The following FMN1 variants were observed in gnomAD, a reference collection of about 807,000 sequenced individuals.
FMN1 encodes the protein formin 1.
Under a neutral mutation model 132.4 loss-of-function variants are expected in FMN1, and 110 were observed. That is an observed-to-expected ratio of 0.83 (90% CI 0.71 to 0.97). The LOEUF is 0.97. FMN1 is among the 50% of genes least tolerant of loss of function. FMN1 has a pLI of 0.00. For missense variants in FMN1, 1,792 were observed against 1,705.3 expected (o/e 1.05, Z -0.90); for synonymous variants, 722 against 651.7 (o/e 1.11, Z -1.64).
intron 10 of FMN1, among the ~76,000 whole-genome samples, chr15:32,919,718 A>C (rs919309409): frequency 6.6e-6 from 1 of 152,092 alleles, no homozygotes. Context: ...TTGAGTAGAC[A>C]CTCTTCTAGG....
At chr15:32,821,611 C>T (rs1402708227) in intron 17 of FMN1, among the ~76,000 whole-genome samples, 1 of 151,918 alleles carries the variant, frequency 6.6e-6, no homozygotes, top group Non-Finnish European at 1.5e-5. Flanking sequence ...GCCACCATGC[C>T]CAGCTAATTT....
At chr15:33,171,751 T>C (rs1026641569) in intron 3 of FMN1, among the ~76,000 whole-genome samples, 1 of 152,198 alleles carries the variant, frequency 6.6e-6, no homozygotes, top group Non-Finnish European at 1.5e-5. Context: ...GCAGCTACAG[T>C]TAGTTCTTGC....
At chr15:32,892,501 A>C (rs1037888049) in intron 15 of FMN1, among the ~76,000 whole-genome samples, 2 of 152,160 alleles carry the variant, frequency 1.3e-5, no homozygotes, top group African/African-American at 2.4e-5. Context: ...TTCAACAAGG[A>C]TATCGGTCTG....
At chr15:32,842,419 A>G (rs773183861) in intron 17 of FMN1, among the ~76,000 whole-genome samples, 16 of 152,074 alleles carry the variant, frequency 1.1e-4, no homozygotes, top group Non-Finnish European at 1.9e-4. Flanking sequence ...AGTCTAATCA[A>G]CTCATTAAAC....
chr15:33,123,127 G>C (rs569807098), intron 4 of FMN1, among the ~76,000 whole-genome samples: 1 of 150,770 alleles, frequency 6.6e-6, no homozygotes, highest in Non-Finnish European at 1.5e-5. Context: ...ACGTCATATC[G>C]TCAAGCCTTG....
At chr15:33,091,878 A>T (rs923840584) in intron 4 of FMN1, among the ~76,000 whole-genome samples, 17 of 152,228 alleles carry the variant, frequency 1.1e-4, no homozygotes, top group African/African-American at 3.9e-4. Context: ...TAATTTTCCG[A>T]CACAAATAGA....
chr15:33,059,683 A>G lies in FMN1; in HGVS notation c.2161+5274T>C, dbSNP rs911691535. 7.9e-5 allele frequency among the ~76,000 whole-genome samples: 12 copies of G among 152,350 alleles called. No individual in the cohort carries two copies. In the East Asian group the frequency reaches 9.6e-4, roughly 12 times the overall value. ...CACATAATTTATCAACAGAGTATTA[A>G]TAAGTTATGTGTATCTTTCAGCAAT... On this transcript the variant is annotated intron_variant, in intron 6 of 20. Coordinates refer to ENST00000616417, the MANE Select transcript of FMN1 (RefSeq NM_001277313.2).
intron 3 of FMN1, among the ~76,000 whole-genome samples, chr15:33,165,620 T>C (rs1965075093): frequency 6.6e-6 from 1 of 152,168 alleles, no homozygotes; most frequent in South Asian, 2.1e-4. Context: ...CTCAATCTTC[T>C]TACCTGATGA....
At chr15:32,970,993 G>A (rs961460021) in intron 7 of FMN1, among the ~76,000 whole-genome samples, 1 of 152,124 alleles carries the variant, frequency 6.6e-6, no homozygotes, top group South Asian at 2.1e-4. Flanking sequence ...TCTATTTCTC[G>A]TGCAGTGCAG....
chr15:32,990,726 C>T (rs1262379690), intron 7 of FMN1, among the ~76,000 whole-genome samples: 3 of 152,170 alleles, frequency 2.0e-5, no homozygotes, highest in Non-Finnish European at 4.4e-5. Context: ...AACCGACTCA[C>T]AGTTACACAT....
chr15:32,897,989 G>GT lies in FMN1; in HGVS notation c.3714+844_3714+845insA, dbSNP rs919955570. 1.5e-4 allele frequency among the ~76,000 whole-genome samples: 23 copies of GT among 152,272 alleles called. 1 individual carries two copies. The highest frequency in any genetic ancestry group is 5.5e-4 in the African/African-American group (23 of 41,560). ...ATCAGGGAAAAGTTTGGGGGGCGGG[G>GT]AAACGATGAGCCTGGCTGTAGGTAT... On this transcript the variant is annotated intron_variant, in intron 15 of 20. Coordinates refer to ENST00000616417, the MANE Select transcript of FMN1 (RefSeq NM_001277313.2).
At chr15:33,096,649 G>C (rs552954050) in intron 4 of FMN1, among the ~76,000 whole-genome samples, 1 of 151,586 alleles carries the variant, frequency 6.6e-6, no homozygotes, top group African/African-American at 2.4e-5. Context: ...ATCTAGGCTG[G>C]AGTGCTGTGG....
chr15:33,017,229 T>C (rs2140992929), intron 6 of FMN1, among the ~76,000 whole-genome samples: 1 of 152,298 alleles, frequency 6.6e-6, no homozygotes, highest in African/African-American at 2.4e-5. Flanking sequence ...CTACTCTGTA[T>C]GCTACTATAA....
chr15:33,093,324 A>G (rs574699040), intron 4 of FMN1, among the ~76,000 whole-genome samples: 1 of 152,350 alleles, frequency 6.6e-6, no homozygotes, highest in South Asian at 2.1e-4. Flanking sequence ...CAGAACTGAT[A>G]TGTACAGGTA....
chr15:32,954,407 T>G (rs906413601), intron 9 of FMN1, among the ~76,000 whole-genome samples: 2 of 152,162 alleles, frequency 1.3e-5, no homozygotes, highest in Non-Finnish European at 2.9e-5. Flanking sequence ...AAAAATAAAA[T>G]GAAAGTTGGC....
chr15:32,889,523 CT>C (rs1220774234), intron 15 of FMN1, among the ~76,000 whole-genome samples: 2 of 152,154 alleles, frequency 1.3e-5, no homozygotes, highest in Non-Finnish European at 2.9e-5. Flanking sequence ...TACCTTCCCC[CT>C]ATCTCCAACT....
chr15:33,167,470 T>C (rs966969945), intron 3 of FMN1, among the ~76,000 whole-genome samples: 5 of 152,222 alleles, frequency 3.3e-5, no homozygotes, highest in African/African-American at 1.2e-4. Context: ...AACAGACTAA[T>C]ACAGCCAACA....
chr15:33,141,154 A>C (rs1963994407), intron 4 of FMN1, among the ~76,000 whole-genome samples: 1 of 152,100 alleles, frequency 6.6e-6, no homozygotes, highest in Non-Finnish European at 1.5e-5. Context: ...CTTTTCCTTT[A>C]ATTTTAATTT....
chr15:32,783,742 T>A (rs4780041), intron 19 of FMN1, among the ~76,000 whole-genome samples: 1 of 84,482 alleles, frequency 1.2e-5, no homozygotes. Flanking sequence ...GAGACTCTGT[T>A]TCAAAAAAAA....
Sources: allele counts gnomAD v4.1 joint callset (sites outside exome capture counted in the v4.1 genomes callset), GRCh38; gene constraint gnomAD v4.1.1; transcripts MANE v1.5; gene names NCBI Gene and HGNC (gene_info 2026-07-23, HGNC 2026-07-21).